The following ARMC9 variants were observed in gnomAD, a reference collection of about 807,000 sequenced individuals.
ARMC9 encodes lisH domain-containing protein ARMC9.
Under a neutral mutation model 107.0 loss-of-function variants are expected in ARMC9, and 94 were observed. That is an observed-to-expected ratio of 0.88 (90% CI 0.74 to 1.04). ARMC9 has a LOEUF of 1.04. Among genes scored for constraint, ARMC9 ranks in the 50% least tolerant of loss-of-function variants. The probability of loss-of-function intolerance (pLI) is 0.00; values close to 1 mark genes in which losing one functional copy is unlikely to be tolerated. For synonymous variants in ARMC9, 380 were observed against 396.9 expected (o/e 0.96, Z 0.51); for missense variants, 942 against 1,030.1 (o/e 0.91, Z 1.17).
chr2:231,331,843 G>A lies in ARMC9; in HGVS notation c.1824G>A (p.Gln608=), dbSNP rs1202262675. ...ATCTGGACAAAGACGAACTGATCCA[G>A]CCCCAGCTCGGAGAACTCTCAGGAG... is the stretch of plus-strand genomic sequence containing the variant. ...EADLDKDELI[Q]PQLGELSGEK... is the part of the protein sequence containing the mutation. Residue 608 remains glutamine, a synonymous_variant, in exon 20 of 25, where the codon CAG becomes CAA. Transcript: ENST00000611582. 1 of 1,613,952 alleles carries A rather than the reference G, an allele frequency of 6.2e-7. No homozygotes were observed. Among genetic ancestry groups the A allele is most frequent in the East Asian group, 2.2e-5 (1 of 44,890 alleles).
chr2:231,307,341 G>C (rs2042090875), intron 19 of ARMC9, among the ~76,000 whole-genome samples: 2 of 152,204 alleles, frequency 1.3e-5, no homozygotes, highest in Non-Finnish European at 2.9e-5. Flanking sequence ...ACCTAGCCCT[G>C]GGGTGATTAG....
chr2:231,239,084 A>T (rs759820013), intron 8 of ARMC9, among the ~76,000 whole-genome samples: 15 of 152,206 alleles, frequency 9.9e-5, no homozygotes, highest in Non-Finnish European at 2.1e-4. Flanking sequence ...TTCAATTATC[A>T]TGCCTAGAAA....
chr2:231,336,731 C>A lies in ARMC9; in HGVS notation c.1878+4834C>A, dbSNP rs1320471743. On this transcript the variant is annotated intron_variant, in intron 20 of 24. Coordinates refer to ENST00000611582, the MANE Select transcript of ARMC9 (RefSeq NM_001352754.2). ...GTTAAAGTGCAGGTTCCTGGCCCCA[C>A]ATCCAGAGAATCTGAGGCTGTGGCA... Among the ~76,000 whole-genome samples, 3 of 152,236 alleles carry A rather than the reference C, an allele frequency of 2.0e-5. No homozygotes were observed. In the East Asian group the frequency reaches 5.8e-4, roughly 29 times the overall value.
chr2:231,273,587 G>GT (rs2039515469), intron 14 of ARMC9, among the ~76,000 whole-genome samples: 1 of 152,124 alleles, frequency 6.6e-6, no homozygotes, highest in South Asian at 2.1e-4. Flanking sequence ...GCTAATTTCT[G>GT]TATTTCTAGT....
At chr2:231,241,421 C>T (rs1881481) in intron 9 of ARMC9, among the ~76,000 whole-genome samples, 17,893 of 151,772 alleles carry the variant, frequency 0.12, 2,047 homozygotes, top group African/African-American at 0.29. Context: ...CAGGAACCCA[C>T]GGGCCAGGAG....
At chr2:231,202,236 G>A (rs2031147993) in intron 1 of ARMC9, among the ~76,000 whole-genome samples, 1 of 151,844 alleles carries the variant, frequency 6.6e-6, no homozygotes. Context: ...CCAGCATCAG[G>A]CGATCTGCCT....
At chr2:231,216,596 A>G (rs763188334) in intron 4 of ARMC9, 42 bp from the exon 5 acceptor site, 2 of 1,593,396 alleles carry the variant, frequency 1.3e-6, no homozygotes, top group Non-Finnish European at 8.5e-7. Context: ...TAGACTGGGC[A>G]TTGATCTGGA....
At chr2:231,266,961 C>T (rs748079352) in intron 12 of ARMC9, among the ~76,000 whole-genome samples, 5 of 152,198 alleles carry the variant, frequency 3.3e-5, no homozygotes, top group East Asian at 1.9e-4. Flanking sequence ...ATGTATATCC[C>T]GCATAATACA....
intron 19 of ARMC9, among the ~76,000 whole-genome samples, chr2:231,304,979 A>G (rs1328760503): frequency 1.3e-5 from 2 of 152,234 alleles, no homozygotes; most frequent in Non-Finnish European, 2.9e-5. Context: ...ACTCTTTCAA[A>G]TGAAAATGGT....
At chr2:231,219,717 T>C (rs1408447307) in intron 5 of ARMC9, among the ~76,000 whole-genome samples, 1 of 152,222 alleles carries the variant, frequency 6.6e-6, no homozygotes, top group Non-Finnish European at 1.5e-5. Context: ...AGTATCATTC[T>C]CTTTATTATC....
intron 19 of ARMC9, among the ~76,000 whole-genome samples, chr2:231,317,762 A>G (rs534382257): frequency 3.8e-4 from 57 of 151,982 alleles, no homozygotes; most frequent in Non-Finnish European, 4.6e-4. Context: ...ACCCTTTTGT[A>G]TCTGCTGTTG....
intron 20 of ARMC9, among the ~76,000 whole-genome samples, chr2:231,338,560 G>A (rs1027603585): frequency 8.5e-6 from 1 of 117,726 alleles, no homozygotes; most frequent in Non-Finnish European, 1.6e-5. Context: ...TTTTTTTTGC[G>A]ACAGTGTCTC....
chr2:231,351,415 TACCGTTTAA>T (rs1164698920), intron 21 of ARMC9, among the ~76,000 whole-genome samples: 1 of 152,132 alleles, frequency 6.6e-6, no homozygotes, highest in Non-Finnish European at 1.5e-5. Flanking sequence ...ACATTTCCCT[TACCGTTTAA>T]ACCAGTGGTG....
intron 17 of ARMC9, among the ~76,000 whole-genome samples, chr2:231,284,714 C>A (rs891589945): frequency 6.6e-6 from 1 of 152,132 alleles, no homozygotes; most frequent in Non-Finnish European, 1.5e-5. Context: ...ACAGACCCAC[C>A]CTGGTACAGT....
At chr2:231,357,984 T>A (rs568850253) in intron 22 of ARMC9, among the ~76,000 whole-genome samples, 47 of 152,130 alleles carry the variant, frequency 3.1e-4, no homozygotes, top group African/African-American at 1.1e-3. Flanking sequence ...ACGCTTGGAG[T>A]AGATTCCATT....
intron 3 of ARMC9, among the ~76,000 whole-genome samples, chr2:231,212,625 G>A (rs1442101557): frequency 6.6e-6 from 1 of 152,256 alleles, no homozygotes; most frequent in African/African-American, 2.4e-5. Flanking sequence ...GACCTTGGCA[G>A]AGGCAAGCAT....
intron 9 of ARMC9, among the ~76,000 whole-genome samples, chr2:231,241,905 A>G (rs999209128): frequency 1.3e-5 from 2 of 152,122 alleles, no homozygotes; most frequent in African/African-American, 4.8e-5. Flanking sequence ...GAGCAGTTAC[A>G]TGATTCCCAG....
intron 20 of ARMC9, among the ~76,000 whole-genome samples, chr2:231,339,859 G>A (rs141223772): frequency 1.2e-4 from 19 of 152,338 alleles, no homozygotes; most frequent in Admixed American, 1.0e-3. Context: ...CTTGAACCCA[G>A]GAGGCAGAGG....
At chr2:231,279,365 G>A (rs2040017883) in intron 16 of ARMC9, among the ~76,000 whole-genome samples, 1 of 152,126 alleles carries the variant, frequency 6.6e-6, no homozygotes, top group South Asian at 2.1e-4. Flanking sequence ...TGCCATTGCA[G>A]AAACCACGGC....
Sources: allele counts gnomAD v4.1 joint callset (sites outside exome capture counted in the v4.1 genomes callset), GRCh38; gene constraint gnomAD v4.1.1; transcripts MANE v1.5; gene names NCBI Gene and HGNC (gene_info 2026-07-23, HGNC 2026-07-21).